The following NUBPL variants were observed in gnomAD, a reference collection of about 807,000 sequenced individuals.
NUBPL encodes the protein iron-sulfur cluster transfer protein NUBPL.
In NUBPL, 31 loss-of-function variants were observed where a neutral mutation model predicts 45.7. The ratio of observed to expected loss-of-function variants is 0.68; its 90% CI spans 0.51 to 0.92. The LOEUF (loss-of-function observed/expected upper bound fraction) is 0.92, where lower values mean the gene tolerates loss of function less well. Ranked by LOEUF, NUBPL falls within the 40% of genes least tolerant of loss-of-function variation. The pLI, the probability that NUBPL is intolerant of heterozygous loss-of-function variation, is 0.00. For synonymous variants in NUBPL, 144 were observed against 140.9 expected (o/e 1.02, Z -0.15); for missense variants, 401 against 398.7 (o/e 1.01, Z -0.05).
In NUBPL at chr14:31,841,917, C is replaced by CTTTTGTTTTTGTTT; in HGVS notation, c.694-4550_694-4549insGTTTTTGTTTTTTT. On this transcript the variant is annotated intron_variant, in intron 8 of 10. Transcript: ENST00000281081. ...CTTTCATGTATGGGTCGATTCTGGG[C>CTTTTGTTTTTGTTT]TTTTTTTTTTTTTTTTTTTTTTTTT... Among the ~76,000 whole-genome samples, 391 of 43,020 alleles carry CTTTTGTTTTTGTTT rather than the reference C, an allele frequency of 9.1e-3. 68 individuals are homozygous for CTTTTGTTTTTGTTT. The highest frequency in any genetic ancestry group is 0.014 in the East Asian group (17 of 1,240). The allele number at this position is 43,020 out of a possible 152,430, so 28.2% of individuals were successfully genotyped here. A position where few individuals can be genotyped will look rare whatever the true frequency, so the allele number is the denominator to read the frequency against.
rs370880199 is a variant in NUBPL, at chr14:31,654,663, C to T, written c.383-18692C>T. On this transcript the variant is annotated intron_variant, in intron 4 of 10. Transcript: ENST00000281081. ...TGACCTCATGATCTACCCACCTCGGCCTCCCAAAGTGCTGGGATTACAGGT... is the reference window on the plus strand; with the variant it reads ...TGACCTCATGATCTACCCACCTCGGTCTCCCAAAGTGCTGGGATTACAGGT... Among the ~76,000 whole-genome samples the T allele has an allele frequency of 5.5e-4, 84 of 152,266 alleles. 2 individuals carry two copies. In the South Asian group the frequency reaches 0.016, roughly 30 times the overall value.
intron 6 of NUBPL, among the ~76,000 whole-genome samples, chr14:31,782,566 A>T (rs1400219540): frequency 6.6e-6 from 1 of 152,142 alleles, no homozygotes; most frequent in African/African-American, 2.4e-5. Context: ...CAAGGTAGGC[A>T]TATCACCTGA....
Position 31,832,590 on chromosome 14 carries a change from T to C in NUBPL, c.693+5876T>C, listed in dbSNP as rs191869890. 2.6e-4 allele frequency among the ~76,000 whole-genome samples: 39 copies of C among 152,336 alleles called. 1 individual carries two copies. Among genetic ancestry groups the C allele is most frequent in the Middle Eastern group, 3.4e-3 (1 of 294 alleles). ...AAAGATACTGACAAAAGAAATACTC[T>C]TTAAAAAATTTCTTATATACAGATT... On this transcript the variant is annotated intron_variant, in intron 8 of 10. Coordinates refer to ENST00000281081, the MANE Select transcript of NUBPL (RefSeq NM_025152.3).
chr14:31,769,781 A>AT (rs984620984), intron 6 of NUBPL, among the ~76,000 whole-genome samples: 13 of 150,916 alleles, frequency 8.6e-5, no homozygotes, highest in East Asian at 3.9e-4. Flanking sequence ...TAGTCATGGT[A>AT]TTTTTTTTTC....
chr14:31,615,038 A>C lies in NUBPL; in HGVS notation c.382+15659A>C, dbSNP rs185828180. Among the ~76,000 whole-genome samples, 12 of 152,278 alleles carry C rather than the reference A, an allele frequency of 7.9e-5. No homozygotes were observed. In the East Asian group the frequency reaches 2.3e-3, roughly 29 times the overall value. The stretch of plus-strand genomic sequence containing the variant: ...GGCTCTGTATCCCCACCCCAATGTC[A>C]TGTTGAATTGTAATCCTCATGTGTT... On this transcript the variant is annotated intron_variant, in intron 4 of 10. Transcript: ENST00000281081.
At chr14:31,609,355 T>C (rs1345212797) in intron 4 of NUBPL, among the ~76,000 whole-genome samples, 2 of 151,488 alleles carry the variant, frequency 1.3e-5, no homozygotes, top group Non-Finnish European at 2.9e-5. Context: ...GATAAAGGGG[T>C]CAATGCAGCA....
chr14:31,671,876 AC>A (rs1452466957), intron 4 of NUBPL, among the ~76,000 whole-genome samples: 2 of 1,392 alleles, frequency 1.4e-3, no homozygotes, highest in Non-Finnish European at 0.01. Context: ...CAGTCTCTTG[AC>A]AAGAGGGGAA....
chr14:31,684,405 G>T (rs2036906375), intron 6 of NUBPL, among the ~76,000 whole-genome samples: 1 of 152,058 alleles, frequency 6.6e-6, no homozygotes, highest in Non-Finnish European at 1.5e-5. Flanking sequence ...TTGAAGTGGG[G>T]TCCTTTCAGA....
intron 6 of NUBPL, among the ~76,000 whole-genome samples, chr14:31,719,201 C>T (rs765412092): frequency 6.6e-5 from 10 of 152,200 alleles, no homozygotes; most frequent in East Asian, 3.9e-4. Flanking sequence ...CGCCCTGCAT[C>T]GCCAGAGAGT....
In NUBPL at chr14:31,590,196, A is replaced by G. The variant is rs150090148; in HGVS notation, c.292-9093A>G. Among the ~76,000 whole-genome samples the G allele has an allele frequency of 2.2e-3, 335 of 152,238 alleles. 1 individual carries two copies. Among genetic ancestry groups the G allele is most frequent in the Non-Finnish European group, 4.2e-3 (288 of 67,998 alleles). On this transcript the variant is annotated intron_variant, in intron 3 of 10. Transcript: ENST00000281081. ...CACTCTGTTGCCCAGGAAGAAGTGC[A>G]GTGGTGTGATCTCAGCTCACTGCAA...
intron 4 of NUBPL, among the ~76,000 whole-genome samples, chr14:31,605,812 T>C (rs1294472294): frequency 1.4e-5 from 2 of 143,450 alleles, no homozygotes; most frequent in Non-Finnish European, 3.0e-5. Context: ...CTCTTCCTCC[T>C]CCCTTCTCCT....
At chr14:31,823,094 G>A (rs1160456491) in intron 7 of NUBPL, among the ~76,000 whole-genome samples, 1 of 151,940 alleles carries the variant, frequency 6.6e-6, no homozygotes, top group Non-Finnish European at 1.5e-5. Flanking sequence ...TCGAGACTTA[G>A]TTATTCAAGG....
At chr14:31,748,811 C>T (rs2038457944) in intron 6 of NUBPL, among the ~76,000 whole-genome samples, 1 of 152,024 alleles carries the variant, frequency 6.6e-6, no homozygotes, top group African/African-American at 2.4e-5. Context: ...TAGGGTTTCA[C>T]CATGATGGCC....
At chr14:31,712,650 C>T (rs1361559042) in intron 6 of NUBPL, among the ~76,000 whole-genome samples, 1 of 152,222 alleles carries the variant, frequency 6.6e-6, no homozygotes, top group Non-Finnish European at 1.5e-5. Context: ...AAGGGGGCAC[C>T]AAGAGTGAGT....
intron 6 of NUBPL, among the ~76,000 whole-genome samples, chr14:31,765,391 G>A (rs943646650): frequency 1.2e-4 from 19 of 152,054 alleles, no homozygotes; most frequent in Admixed American, 7.2e-4. Context: ...TTAGCATTTC[G>A]TTCTAAGTGT....
chr14:31,813,600 A>G (rs1246255241), intron 7 of NUBPL, among the ~76,000 whole-genome samples: 1 of 152,118 alleles, frequency 6.6e-6, no homozygotes, highest in African/African-American at 2.4e-5. Flanking sequence ...GGTTTGTTAC[A>G]TAGATATACA....
intron 4 of NUBPL, among the ~76,000 whole-genome samples, chr14:31,605,694 T>C (rs555279382): frequency 1.3e-5 from 2 of 152,202 alleles, no homozygotes; most frequent in East Asian, 3.9e-4. Flanking sequence ...GGGACTGAGA[T>C]CTTCTGCTTC....
chr14:31,759,465 T>C (rs1472881570), intron 6 of NUBPL, among the ~76,000 whole-genome samples: 1 of 152,144 alleles, frequency 6.6e-6, no homozygotes, highest in Non-Finnish European at 1.5e-5. Context: ...GTATTTTTGG[T>C]ATAGAACATG....
chr14:31,817,874 TAA>T (rs1166622661), intron 7 of NUBPL, among the ~76,000 whole-genome samples: 2 of 151,950 alleles, frequency 1.3e-5, no homozygotes, highest in East Asian at 1.9e-4. Context: ...TCAAATTGGA[TAA>T]AGAGTCAAGA....
Sources: gnomAD v4.1 joint callset for allele counts (sites outside exome capture counted in the v4.1 genomes callset) on GRCh38, gnomAD v4.1.1 for gene constraint, MANE v1.5 for transcripts, NCBI Gene and HGNC (gene_info 2026-07-23, HGNC 2026-07-21) for gene names.